MARCHF1: variants seen among roughly 807,000 people sequenced by gnomAD.
MARCHF1 encodes the protein membrane associated ring-CH-type finger 1, also known as E3 ubiquitin-protein ligase MARCHF1.
In MARCHF1, 40 loss-of-function variants were observed where a neutral mutation model predicts 54.2. That is an observed-to-expected ratio of 0.74 (90% CI 0.57 to 0.96). MARCHF1 has a LOEUF of 0.96. Ranked by LOEUF, MARCHF1 falls within the 40% of genes least tolerant of loss-of-function variation. MARCHF1 has a pLI of 0.00. For synonymous variants in MARCHF1, 236 were observed against 236.3 expected (o/e 1.00, Z 0.01); for missense variants, 586 against 656.5 (o/e 0.89, Z 1.17).
In MARCHF1 at chr4:163,774,502, C is replaced by CTTTT. The variant is rs369862555; in HGVS notation, c.112-73643_112-73640dup. Among the ~76,000 whole-genome samples, 1,209 of 137,826 alleles carry CTTTT rather than the reference C, an allele frequency of 8.8e-3. 34 individuals carry two copies. The highest frequency in any genetic ancestry group is 0.026 in the South Asian group (111 of 4,328). 90.4% of individuals were successfully genotyped at this position (137,826 alleles called of 152,430 possible). ...ATGTTTAGTGCACTCAAGTGTTAGGCTTTTTTTTTTTTTTTGACAGAGTCT... is the reference window on the plus strand; with the variant it reads ...ATGTTTAGTGCACTCAAGTGTTAGGCTTTTTTTTTTTTTTTTTTTGACAGAGTCT... On this transcript the variant is annotated intron_variant, in intron 4 of 9. Transcript: ENST00000514618.
intron 3 of MARCHF1, among the ~76,000 whole-genome samples, chr4:163,883,073 C>A (rs776030424): frequency 3.3e-5 from 5 of 152,090 alleles, no homozygotes; most frequent in Admixed American, 6.6e-5. Flanking sequence ...AAAAAAGGCC[C>A]ATGGCACTTG....
chr4:164,097,605 T>G lies in MARCHF1; in HGVS notation c.-248+13983A>C, dbSNP rs375587344. On this transcript the variant is annotated intron_variant, in intron 2 of 9. Coordinates refer to ENST00000514618, the MANE Select transcript of MARCHF1 (RefSeq NM_001394959.1). ...TCAATATAATTGATTGCTTGGGTAATCCTCTGTATTTAAGTATATGTATTA... is the reference window on the plus strand; with the variant it reads ...TCAATATAATTGATTGCTTGGGTAAGCCTCTGTATTTAAGTATATGTATTA... Among the ~76,000 whole-genome samples, 7 of 152,052 alleles carry G rather than the reference T, an allele frequency of 4.6e-5. No individual in the cohort carries two copies. The East Asian group carries it at 1.3e-3, about 29-fold the overall frequency.
intron 3 of MARCHF1, among the ~76,000 whole-genome samples, chr4:163,893,822 A>G (rs972607784): frequency 2.0e-5 from 3 of 152,190 alleles, no homozygotes; most frequent in African/African-American, 7.2e-5. Flanking sequence ...AAGCCTCATT[A>G]CAGCCTGCAA....
intron 2 of MARCHF1, among the ~76,000 whole-genome samples, chr4:164,091,927 G>A (rs1978664): frequency 0.71 from 106,871 of 151,090 alleles, 39,431 homozygotes; most frequent in Non-Finnish European, 0.83. Flanking sequence ...TGTTTATATG[G>A]AGGATCCCAA....
rs1731275959 is a variant in MARCHF1 at position 164,196,864 on chromosome 4, T to G, written c.-322-85202A>C. Reference sequence around the variant, plus strand: ...TTTTCCCGTCTCATTCCCACAGCAATGTTACAATCAGAAAAAAGTAAGTTT... The same window carrying G: ...TTTTCCCGTCTCATTCCCACAGCAAGGTTACAATCAGAAAAAAGTAAGTTT... On this transcript the variant is annotated intron_variant, in intron 1 of 9. Coordinates refer to ENST00000514618, the MANE Select transcript of MARCHF1 (RefSeq NM_001394959.1). 1.0e-5 allele frequency: 10 copies of G among 979,066 alleles called. No individual in the cohort carries two copies. The South Asian group carries it at 1.5e-4, about 15-fold the overall frequency. 60.6% of individuals were successfully genotyped at this position (979,066 alleles called of 1,614,324 possible). A position where few individuals can be genotyped will look rare whatever the true frequency, so the allele number is the denominator to read the frequency against.
At chr4:163,809,619 C>A (rs1748326559) in intron 4 of MARCHF1, among the ~76,000 whole-genome samples, 1 of 152,108 alleles carries the variant, frequency 6.6e-6, no homozygotes, top group East Asian at 1.9e-4. Context: ...CAAATAGTAT[C>A]TGCTGAGGAT....
At chr4:163,750,362 T>A (rs1006267830) in intron 4 of MARCHF1, among the ~76,000 whole-genome samples, 1 of 151,390 alleles carries the variant, frequency 6.6e-6, no homozygotes, top group Non-Finnish European at 1.5e-5. Context: ...ATACAAAAAA[T>A]TAGCCAGGTG....
At chr4:163,951,222 A>T (rs1328515358) in intron 3 of MARCHF1, among the ~76,000 whole-genome samples, 2 of 152,224 alleles carry the variant, frequency 1.3e-5, no homozygotes, top group Non-Finnish European at 2.9e-5. Context: ...ATCCATGAAC[A>T]TATCTGTAAC....
At chr4:164,326,904 C>T (rs1276865666) in intron 1 of MARCHF1, among the ~76,000 whole-genome samples, 1 of 149,664 alleles carries the variant, frequency 6.7e-6, no homozygotes, top group Non-Finnish European at 1.5e-5. Flanking sequence ...CTTTTCTTAT[C>T]GGTTCAATAG....
At chr4:163,969,948 A>C (rs999206345) in intron 3 of MARCHF1, among the ~76,000 whole-genome samples, 3 of 152,222 alleles carry the variant, frequency 2.0e-5, no homozygotes, top group African/African-American at 7.2e-5. Context: ...TATTCAAAGA[A>C]ACATATTTCT....
intron 3 of MARCHF1, among the ~76,000 whole-genome samples, chr4:163,914,278 T>A (rs1201094976): frequency 6.6e-6 from 1 of 152,112 alleles, no homozygotes; most frequent in East Asian, 1.9e-4. Flanking sequence ...TCTTTAAAAA[T>A]TTTGTTTAAA....
chr4:163,721,796 G>A (rs1432638330), intron 4 of MARCHF1, among the ~76,000 whole-genome samples: 1 of 152,130 alleles, frequency 6.6e-6, no homozygotes, highest in Non-Finnish European at 1.5e-5. Context: ...ATTTCTTCCA[G>A]ATTTTCTAGT....
chr4:163,700,971 T>C (rs1744794536), intron 4 of MARCHF1, 108 bp from the exon 5 acceptor site: 1 of 737,620 alleles, frequency 1.4e-6, no homozygotes, highest in Non-Finnish European at 2.3e-6. Context: ...GAATGCTCTC[T>C]ATATTGTTTT....
chr4:164,341,331 C>T (rs1729923030), intron 1 of MARCHF1, among the ~76,000 whole-genome samples: 1 of 151,434 alleles, frequency 6.6e-6, no homozygotes, highest in Non-Finnish European at 1.5e-5. Flanking sequence ...AGCCTTTCTT[C>T]TAAGATCAGG....
At chr4:164,013,385 A>G (rs1753466783) in intron 2 of MARCHF1, among the ~76,000 whole-genome samples, 1 of 152,154 alleles carries the variant, frequency 6.6e-6, no homozygotes, top group Non-Finnish European at 1.5e-5. Context: ...AGGAGAATAA[A>G]GAATGCCTAA....
At chr4:164,001,687 G>T (rs1176916636) in intron 2 of MARCHF1, among the ~76,000 whole-genome samples, 1 of 151,786 alleles carries the variant, frequency 6.6e-6, no homozygotes, top group African/African-American at 2.4e-5. Flanking sequence ...CAAAAAGCGT[G>T]CCTGGTTGTC....
intron 1 of MARCHF1, among the ~76,000 whole-genome samples, chr4:164,315,436 A>C (rs1734971623): frequency 6.6e-6 from 1 of 152,160 alleles, no homozygotes; most frequent in Non-Finnish European, 1.5e-5. Flanking sequence ...TCTACAAGGT[A>C]AAAAGCACTT....
intron 4 of MARCHF1, among the ~76,000 whole-genome samples, chr4:163,750,614 C>G (rs1222252084): frequency 6.6e-6 from 1 of 152,092 alleles, no homozygotes; most frequent in Non-Finnish European, 1.5e-5. Flanking sequence ...TTATTCCAAA[C>G]TTATATGGGC....
At chr4:163,699,993 A>G (rs1744756872) in intron 5 of MARCHF1, among the ~76,000 whole-genome samples, 1 of 151,432 alleles carries the variant, frequency 6.6e-6, no homozygotes, top group Non-Finnish European at 1.5e-5. Context: ...TGACTCTACA[A>G]CCTCTAAATA....
Sources: allele counts gnomAD v4.1 joint callset (sites outside exome capture counted in the v4.1 genomes callset), GRCh38; gene constraint gnomAD v4.1.1; transcripts MANE v1.5; gene names NCBI Gene and HGNC (gene_info 2026-07-23, HGNC 2026-07-21).